ALPK1: variants seen among roughly 807,000 people sequenced by gnomAD.
The protein encoded by ALPK1 is alpha-protein kinase 1.
A neutral mutation model predicts 120.6 loss-of-function variants in ALPK1; 110 were observed. The ratio of observed to expected loss-of-function variants is 0.91; its 90% CI spans 0.78 to 1.07. The LOEUF is 1.07. Ranked by LOEUF, ALPK1 falls within the 50% of genes least tolerant of loss-of-function variation. ALPK1 has a pLI of 0.00. For missense variants in ALPK1, 1,498 were observed against 1,483.9 expected, an observed-to-expected ratio of 1.01 and a Z score of -0.16; for synonymous variants, 582 against 560.3, an observed-to-expected ratio of 1.04 and a Z score of -0.55.
At chr4:112,413,923 C>T (rs1318342439) in intron 5 of ALPK1, among the ~76,000 whole-genome samples, 1 of 152,130 alleles carries the variant, frequency 6.6e-6, no homozygotes, top group Non-Finnish European at 1.5e-5. Context: ...ATTGTCTTTT[C>T]CTCAAAGACA....
At chr4:112,343,025 G>T (rs903516116) in intron 2 of ALPK1, 6 of 152,586 alleles carry the variant, frequency 3.9e-5, no homozygotes, top group Non-Finnish European at 8.8e-5. Flanking sequence ...CCCAGTCCTG[G>T]TCTCCTGCCC....
At chr4:112,299,368 T>C (rs1313081290) in intron 1 of ALPK1, among the ~76,000 whole-genome samples, 1 of 152,132 alleles carries the variant, frequency 6.6e-6, no homozygotes, top group Admixed American at 6.6e-5. Flanking sequence ...TGTCTAAACT[T>C]CAAAATTTTG....
intron 2 of ALPK1, among the ~76,000 whole-genome samples, chr4:112,329,570 G>A (rs906263736): frequency 6.6e-6 from 1 of 152,188 alleles, no homozygotes; most frequent in Non-Finnish European, 1.5e-5. Context: ...AAATATGAAA[G>A]TATAAAAGTT....
intron 2 of ALPK1, among the ~76,000 whole-genome samples, chr4:112,338,926 C>A (rs1241003000): frequency 6.6e-6 from 1 of 152,178 alleles, no homozygotes; most frequent in Non-Finnish European, 1.5e-5. Flanking sequence ...ACGTAGTGGG[C>A]AAACCCATTT....
intron 12 of ALPK1, among the ~76,000 whole-genome samples, chr4:112,438,047 C>T (rs987233603): frequency 5.3e-5 from 8 of 152,006 alleles, no homozygotes; most frequent in African/African-American, 1.2e-4. Flanking sequence ...TAGGTATTGA[C>T]GGATAATAAG....
At chr4:112,383,740 T>C (rs571095076) in intron 4 of ALPK1, 1 of 152,338 alleles carries the variant, frequency 6.6e-6, no homozygotes, top group South Asian at 2.1e-4. Flanking sequence ...ATTCAGATGC[T>C]CTTTGACTTA....
intron 5 of ALPK1, among the ~76,000 whole-genome samples, chr4:112,420,425 C>T (rs1489745537): frequency 2.0e-5 from 3 of 152,146 alleles, no homozygotes; most frequent in South Asian, 2.1e-4. Flanking sequence ...AGCCTCGTAC[C>T]ATTAAGGGTT....
intron 2 of ALPK1, among the ~76,000 whole-genome samples, chr4:112,345,286 T>C (rs935100470): frequency 1.3e-5 from 2 of 152,222 alleles, no homozygotes; most frequent in African/African-American, 2.4e-5. Flanking sequence ...AAGATAATAT[T>C]AAAGTTCAGC....
chr4:112,373,318 C>G (rs1731501206), intron 2 of ALPK1, among the ~76,000 whole-genome samples: 1 of 152,170 alleles, frequency 6.6e-6, no homozygotes, highest in Non-Finnish European at 1.5e-5. Flanking sequence ...GTACTCTTTG[C>G]AATAGCAGTA....
chr4:112,348,016 T>C (rs970014304), intron 2 of ALPK1, among the ~76,000 whole-genome samples: 3 of 152,088 alleles, frequency 2.0e-5, no homozygotes, highest in African/African-American at 7.2e-5. Context: ...AAGGAGAAAA[T>C]GAGAGTTCTT....
In ALPK1 at chr4:112,431,484, A is replaced by C. The variant is rs1560686756; in HGVS notation, c.1937A>C (p.His646Pro). The C allele has an allele frequency of 6.2e-7, 1 of 1,614,200 alleles. No individual in the cohort carries two copies. Among genetic ancestry groups the C allele is most frequent in the Non-Finnish European group, 8.5e-7 (1 of 1,180,006 alleles). The change falls in exon 11 of 16, where the codon CAT becomes CCT. Residue 646 changes from histidine to proline, a missense_variant. Coordinates refer to ENST00000650871, the MANE Select transcript of ALPK1 (RefSeq NM_025144.4). Reference protein sequence around the residue: ...RAMHSLHSQLHDLSLQEPNND... With the variant: ...RAMHSLHSQLPDLSLQEPNND... ...ATGCATTCATTGCATTCACAGCTTC[A>C]TGATCTCTCTCTTCAGGAACCCAAC...
At chr4:112,351,464 T>C (rs1053639409) in intron 2 of ALPK1, among the ~76,000 whole-genome samples, 1 of 149,760 alleles carries the variant, frequency 6.7e-6, no homozygotes, top group African/African-American at 2.5e-5. Context: ...AAAAAAAAAA[T>C]CAGACACTTC....
chr4:112,311,170 G>A (rs1184445482), intron 1 of ALPK1, among the ~76,000 whole-genome samples: 2 of 152,178 alleles, frequency 1.3e-5, no homozygotes, highest in African/African-American at 2.4e-5. Context: ...AGATCATAGG[G>A]TGGAGGAAAT....
rs1052367167 is a variant in ALPK1 at position 112,394,923 on chromosome 4, G to A, written c.276+12371G>A. Among the ~76,000 whole-genome samples the A allele has an allele frequency of 2.6e-5, 4 of 152,178 alleles. No homozygotes were observed. The East Asian group carries it at 7.7e-4, about 29-fold the overall frequency. ...CCTTCAGAAAATAAATCCTAGGGAT[G>A]TGATCATTCTTTCTGGCAGCAGATA... On this transcript the variant is annotated intron_variant, in intron 4 of 15. Transcript: ENST00000650871.
In ALPK1 at chr4:112,351,620, C is replaced by T. The variant is rs189736055; in HGVS notation, c.-100-26058C>T. Among the ~76,000 whole-genome samples, 9 of 152,106 alleles carry T rather than the reference C, an allele frequency of 5.9e-5. No homozygotes were observed. In the South Asian group the frequency reaches 6.2e-4, roughly 11 times the overall value. On this transcript the variant is annotated intron_variant, in intron 2 of 15. Coordinates refer to ENST00000650871, the MANE Select transcript of ALPK1 (RefSeq NM_025144.4). ...TCCCGAGTAACTGAGATTACAAGCA[C>T]GCGCCACCATGCCCAGCTAATTTTT...
intron 4 of ALPK1, among the ~76,000 whole-genome samples, chr4:112,404,415 C>T (rs1733071955): frequency 6.6e-6 from 1 of 152,192 alleles, no homozygotes; most frequent in African/African-American, 2.4e-5. Context: ...AATCCTGAAA[C>T]AGCACCACAA....
chr4:112,410,367 C>G (rs1016616326), intron 4 of ALPK1, among the ~76,000 whole-genome samples: 16 of 152,180 alleles, frequency 1.1e-4, no homozygotes, highest in Admixed American at 1.0e-3. Flanking sequence ...TCAGGTTTCC[C>G]ATCTTACAGA....
chr4:112,334,275 A>C (rs2148702567), intron 2 of ALPK1, among the ~76,000 whole-genome samples: 1 of 152,188 alleles, frequency 6.6e-6, no homozygotes, highest in African/African-American at 2.4e-5. Context: ...TCTACTAAAA[A>C]TACAAAAATT....
At chr4:112,332,347 A>G (rs1390479284) in intron 2 of ALPK1, among the ~76,000 whole-genome samples, 3 of 152,206 alleles carry the variant, frequency 2.0e-5, no homozygotes, top group South Asian at 2.1e-4. Flanking sequence ...GACTTTCACA[A>G]TTTGAAGGGG....
Sources: gnomAD v4.1 joint callset for allele counts (sites outside exome capture counted in the v4.1 genomes callset) on GRCh38, gnomAD v4.1.1 for gene constraint, MANE v1.5 for transcripts, NCBI Gene and HGNC (gene_info 2026-07-23, HGNC 2026-07-21) for gene names.